UGP2: variants seen among roughly 807,000 people sequenced by gnomAD.
The protein encoded by UGP2 is UDP-glucose pyrophosphorylase 2.
In UGP2, 40 loss-of-function variants were observed where a neutral mutation model predicts 49.0. The observed-to-expected ratio is 0.82, with a 90% CI of 0.63 to 1.06. The LOEUF is 1.06. Ranked by LOEUF, UGP2 falls within the 50% of genes least tolerant of loss-of-function variation. The probability of loss-of-function intolerance (pLI) is 0.00; values close to 1 mark genes in which losing one functional copy is unlikely to be tolerated. For synonymous variants in UGP2, 225 were observed against 213.0 expected (o/e 1.06, Z -0.49); for missense variants, 460 against 603.5 (o/e 0.76, Z 2.49).
intron 1 of UGP2, among the ~76,000 whole-genome samples, chr2:63,845,235 T>G (rs1355656520): frequency 6.6e-6 from 1 of 152,208 alleles, no homozygotes; most frequent in Non-Finnish European, 1.5e-5. Context: ...GGCACATACC[T>G]TTCAAACCTC....
chr2:63,852,618 C>T (rs1164336741), intron 1 of UGP2, among the ~76,000 whole-genome samples: 1 of 152,254 alleles, frequency 6.6e-6, no homozygotes, highest in East Asian at 1.9e-4. Context: ...GAGATCAATC[C>T]ATCCTCCTTG....
intron 1 of UGP2, 91 bp from the exon 2 acceptor site, chr2:63,856,215 T>C: frequency 6.7e-7 from 1 of 1,495,040 alleles, no homozygotes; most frequent in Non-Finnish European, 8.9e-7. Flanking sequence ...CCCTTTTCAT[T>C]TGCTGAATAC....
chr2:63,873,030 A>G (rs985204487), intron 3 of UGP2, among the ~76,000 whole-genome samples: 2 of 152,032 alleles, frequency 1.3e-5, no homozygotes, highest in Non-Finnish European at 2.9e-5. Context: ...GCAATCCTGT[A>G]TGAATGATGC....
intron 3 of UGP2, among the ~76,000 whole-genome samples, chr2:63,873,133 A>G (rs1670671069): frequency 6.6e-6 from 1 of 152,250 alleles, no homozygotes; most frequent in Non-Finnish European, 1.5e-5. Context: ...TGGTGTTTGT[A>G]GCACAGGCTG....
intron 1 of UGP2, chr2:63,842,621 G>T: frequency 1.4e-6 from 2 of 1,443,858 alleles, no homozygotes; most frequent in South Asian, 1.4e-5. Context: ...CGGGACTGTT[G>T]GGGAAGCTTT....
At chr2:63,881,984 A>G (rs1671348385) in intron 3 of UGP2, among the ~76,000 whole-genome samples, 1 of 152,254 alleles carries the variant, frequency 6.6e-6, no homozygotes, top group Admixed American at 6.5e-5. Context: ...ATGGCAAAGA[A>G]CAAGTGTGTT....
intron 1 of UGP2, among the ~76,000 whole-genome samples, chr2:63,848,691 A>G (rs980272667): frequency 1.3e-5 from 2 of 152,224 alleles, no homozygotes; most frequent in Non-Finnish European, 2.9e-5. Flanking sequence ...TTCCACTGCC[A>G]GGCACGTGTC....
chr2:63,878,419 A>G (rs12993544), intron 3 of UGP2, among the ~76,000 whole-genome samples: 27,974 of 152,182 alleles, frequency 0.18, 3,263 homozygotes, highest in Non-Finnish European at 0.24. Flanking sequence ...TGTTTTTAGC[A>G]TTGTTGAATT....
At chr2:63,869,352 T>A (rs989025003) in intron 3 of UGP2, among the ~76,000 whole-genome samples, 16 of 152,224 alleles carry the variant, frequency 1.1e-4, no homozygotes, top group Non-Finnish European at 1.8e-4. Context: ...ATTTGCCAGT[T>A]GAGATGAAAA....
intron 3 of UGP2, among the ~76,000 whole-genome samples, chr2:63,870,937 A>G (rs1300982935): frequency 2.6e-5 from 4 of 152,218 alleles, no homozygotes; most frequent in African/African-American, 9.6e-5. Flanking sequence ...AATGGCTTCT[A>G]AAGGAAGTGA....
intron 6 of UGP2, 50 bp from the exon 7 acceptor site, chr2:63,886,291 A>G: frequency 6.4e-7 from 1 of 1,558,908 alleles, no homozygotes; most frequent in Non-Finnish European, 8.8e-7. Flanking sequence ...TTTACAAAAA[A>G]ATGCACTTGA....
At chr2:63,861,525 T>A (rs1669844124) in intron 3 of UGP2, among the ~76,000 whole-genome samples, 1 of 105,242 alleles carries the variant, frequency 9.5e-6, no homozygotes, top group South Asian at 3.1e-4. Context: ...CCTCTACAAA[T>A]TTTTTTTTTT....
At chr2:63,879,448 G>T (rs573117888) in intron 3 of UGP2, among the ~76,000 whole-genome samples, 7 of 152,040 alleles carry the variant, frequency 4.6e-5, no homozygotes, top group Admixed American at 3.9e-4. Flanking sequence ...TCTAGATAAC[G>T]TTTACCTCTA....
At chr2:63,888,464 A>T (rs1170422338) in intron 8 of UGP2, 1 of 152,248 alleles carries the variant, frequency 6.6e-6, no homozygotes, top group Non-Finnish European at 1.5e-5. Context: ...CTCTGAAATA[A>T]ATGTGAGCTG....
At chr2:63,858,031 CAT>C (rs1669568919) in intron 3 of UGP2, 95 bp downstream of exon 3, 2 of 1,101,976 alleles carry the variant, frequency 1.8e-6, no homozygotes, top group Admixed American at 2.1e-5. Flanking sequence ...CTATAACAAT[CAT>C]GTGAGACAAG....
intron 3 of UGP2, among the ~76,000 whole-genome samples, chr2:63,860,762 A>ATTTTTT (rs556819048): frequency 1.1e-4 from 13 of 123,684 alleles, no homozygotes; most frequent in East Asian, 2.6e-4. Context: ...GGCCCAGCTA[A>ATTTTTT]TTTTTTTTTT....
rs903066481 is a variant in UGP2 at position 63,884,100 on chromosome 2, T to G, written c.575+7T>G. 1.8e-5 allele frequency: 29 copies of G among 1,611,438 alleles called. No individual in the cohort carries two copies. Among genetic ancestry groups the G allele is most frequent in the Non-Finnish European group, 2.5e-5 (29 of 1,179,500 alleles). On this transcript the variant is annotated splice_region_variant and intron_variant, in intron 5 of 9. Coordinates refer to ENST00000337130, the MANE Select transcript of UGP2 (RefSeq NM_006759.4). ...ACACTTTCAATCAAAGCAGGTACAA[T>G]GAGTAAAAAATTAACTCTGGGTATG...
intron 3 of UGP2, among the ~76,000 whole-genome samples, chr2:63,871,575 T>TG (rs1670557646): frequency 3.3e-5 from 5 of 152,258 alleles, no homozygotes. Flanking sequence ...CGTGAGCCAC[T>TG]GTGCACGGCC....
chr2:63,865,310 C>A (rs1670108194), intron 3 of UGP2, among the ~76,000 whole-genome samples: 1 of 152,140 alleles, frequency 6.6e-6, no homozygotes, highest in Non-Finnish European at 1.5e-5. Context: ...TGCCTCCAGC[C>A]CTGCCCAGCT....
Sources: allele counts gnomAD v4.1 joint callset (sites outside exome capture counted in the v4.1 genomes callset), GRCh38; gene constraint gnomAD v4.1.1; transcripts MANE v1.5; gene names NCBI Gene and HGNC (gene_info 2026-07-23, HGNC 2026-07-21).